The following MGMT variants were observed in gnomAD, a reference collection of about 807,000 sequenced individuals.
MGMT encodes the protein methylated-DNA--protein-cysteine methyltransferase.
A neutral mutation model predicts 15.9 loss-of-function variants in MGMT; 14 were observed. That is an observed-to-expected ratio of 0.88 (90% confidence interval 0.58 to 1.37). The LOEUF is 1.37. MGMT is among the 40% of genes most tolerant of loss of function. MGMT has a pLI of 0.00. For missense variants in MGMT, 282 were observed against 268.1 expected (o/e 1.05, Z -0.36); for synonymous variants, 130 against 118.2 (o/e 1.10, Z -0.65).
At position 129,617,401 on chromosome 10, in the gene MGMT, G is replaced by A. The variant is rs552988652; in HGVS notation, c.125+81024G>A. ...TGCTGCAGTGAATATACGCGTGCAT[G>A]TATCTTTATGGTAGAACCGTTTATA... On this transcript the variant is annotated intron_variant, in intron 2 of 4. Coordinates refer to ENST00000651593, the MANE Select transcript of MGMT (RefSeq NM_002412.5). Among the ~76,000 whole-genome samples, 155 of 152,282 alleles carry A rather than the reference G, an allele frequency of 1.0e-3. 1 individual carries two copies. Among genetic ancestry groups the A allele is most frequent in the Non-Finnish European group, 1.8e-3 (123 of 68,028 alleles).
intron 2 of MGMT, among the ~76,000 whole-genome samples, chr10:129,596,578 G>A (rs545227937): frequency 1.8e-4 from 27 of 152,318 alleles, no homozygotes; most frequent in African/African-American, 5.5e-4. Context: ...ACACCCTGTG[G>A]AGAACCACGG....
chr10:129,744,884 A>G (rs1848676402), intron 3 of MGMT, among the ~76,000 whole-genome samples: 1 of 152,134 alleles, frequency 6.6e-6, no homozygotes, highest in Non-Finnish European at 1.5e-5. Context: ...CCTCCCAGGA[A>G]AGGATGGTCC....
At chr10:129,759,682 G>A (rs955957158) in intron 4 of MGMT, among the ~76,000 whole-genome samples, 6 of 152,066 alleles carry the variant, frequency 3.9e-5, no homozygotes, top group Non-Finnish European at 5.9e-5. Flanking sequence ...TTGGGTGCCT[G>A]TTTTATGGCC....
intron 1 of MGMT, among the ~76,000 whole-genome samples, chr10:129,520,348 C>T (rs567665855): frequency 1.3e-5 from 2 of 152,248 alleles, no homozygotes; most frequent in South Asian, 4.1e-4. Context: ...ACCGAGGTTG[C>T]CGAAACTGGA....
intron 1 of MGMT, among the ~76,000 whole-genome samples, chr10:129,517,955 T>A (rs1268581287): frequency 6.6e-6 from 1 of 152,204 alleles, no homozygotes; most frequent in Non-Finnish European, 1.5e-5. Context: ...ATGCGAATGC[T>A]TTAGCAGATG....
At chr10:129,606,747 C>T (rs368425706) in intron 2 of MGMT, among the ~76,000 whole-genome samples, 14 of 152,098 alleles carry the variant, frequency 9.2e-5, no homozygotes, top group South Asian at 6.2e-4. Context: ...CTTTCGTCTA[C>T]GGTGGGATAA....
chr10:129,570,643 C>A (rs1846407122), intron 2 of MGMT, among the ~76,000 whole-genome samples: 1 of 152,196 alleles, frequency 6.6e-6, no homozygotes, highest in Admixed American at 6.5e-5. Flanking sequence ...CCTACTAAAT[C>A]TAATCTGCAA....
intron 3 of MGMT, among the ~76,000 whole-genome samples, chr10:129,730,382 G>A (rs1848482125): frequency 6.6e-6 from 1 of 152,184 alleles, no homozygotes; most frequent in Non-Finnish European, 1.5e-5. Context: ...CTACTTTCAT[G>A]TTGTTCGATA....
At chr10:129,702,687 C>T (rs1243206309) in intron 2 of MGMT, among the ~76,000 whole-genome samples, 1 of 152,156 alleles carries the variant, frequency 6.6e-6, no homozygotes, top group Non-Finnish European at 1.5e-5. Context: ...AGCTGGCATC[C>T]GTGGCAGCCC....
chr10:129,596,269 A>G (rs941768652), intron 2 of MGMT, among the ~76,000 whole-genome samples: 4 of 152,098 alleles, frequency 2.6e-5, no homozygotes, highest in South Asian at 2.1e-4. Context: ...CCCCCTCCCC[A>G]ACTCAGTCAT....
chr10:129,547,915 T>G (rs1012691381), intron 2 of MGMT, among the ~76,000 whole-genome samples: 7 of 152,234 alleles, frequency 4.6e-5, no homozygotes, highest in African/African-American at 1.7e-4. Flanking sequence ...AGGCAATACT[T>G]GTTCTTGTTC....
chr10:129,654,193 C>T (rs1847497637), intron 2 of MGMT, among the ~76,000 whole-genome samples: 1 of 152,150 alleles, frequency 6.6e-6, no homozygotes, highest in African/African-American at 2.4e-5. Context: ...GGTAGCCCAT[C>T]TGTGGTTTGG....
chr10:129,701,232 A>T (rs1456430645), intron 2 of MGMT: 1 of 152,182 alleles, frequency 6.6e-6, no homozygotes, highest in Admixed American at 6.5e-5. Flanking sequence ...TGTCTTTGGA[A>T]CGAACTCTTT....
chr10:129,579,333 C>A (rs566681602), intron 2 of MGMT, among the ~76,000 whole-genome samples: 8 of 152,224 alleles, frequency 5.3e-5, no homozygotes, highest in African/African-American at 1.9e-4. Context: ...CCTGTACCTG[C>A]CTACCTGTGG....
rs574558985 is a variant in MGMT, at chr10:129,675,181, G to A, written c.126-32714G>A. On this transcript the variant is annotated intron_variant, in intron 2 of 4. Coordinates refer to ENST00000651593, the MANE Select transcript of MGMT (RefSeq NM_002412.5). ...AGCTGAGGGCCAGGCGGGAGCAAGGGCCCAGCACACTGGGAGGTTTGAGAG... is the reference window on the plus strand; with the variant it reads ...AGCTGAGGGCCAGGCGGGAGCAAGGACCCAGCACACTGGGAGGTTTGAGAG... Among the ~76,000 whole-genome samples, 11 of 152,288 alleles carry A rather than the reference G, an allele frequency of 7.2e-5. No individual in the cohort carries two copies. The South Asian group carries it at 8.3e-4, about 11-fold the overall frequency.
intron 2 of MGMT, among the ~76,000 whole-genome samples, chr10:129,543,100 C>A (rs77636471): frequency 6.6e-6 from 1 of 152,088 alleles, no homozygotes; most frequent in African/African-American, 2.4e-5. Flanking sequence ...AATTATGTTC[C>A]GTGACGAGAG....
intron 1 of MGMT, among the ~76,000 whole-genome samples, chr10:129,513,469 A>T (rs2119703801): frequency 6.6e-6 from 1 of 152,222 alleles, no homozygotes; most frequent in East Asian, 1.9e-4. Context: ...ACACCTGGTT[A>T]TTTGGCACCA....
chr10:129,727,503 G>A (rs1848447366), intron 3 of MGMT, among the ~76,000 whole-genome samples: 1 of 152,194 alleles, frequency 6.6e-6, no homozygotes, highest in Non-Finnish European at 1.5e-5. Context: ...TGTTGTTTGG[G>A]GCCACGAAGT....
rs953144453 is a variant in MGMT, at chr10:129,770,353, G to C, written c.*3356G>C. ...CCTGTGGAGTGGCGGACTCTGGGGA[G>C]TAGCTGGTCAGTGAGATTCTCGCAG... On this transcript the variant is annotated 3_prime_UTR_variant, in exon 5 of 5. Coordinates refer to ENST00000651593, the MANE Select transcript of MGMT (RefSeq NM_002412.5). Among the ~76,000 whole-genome samples, 1 of 152,256 alleles carries C rather than the reference G, an allele frequency of 6.6e-6. No individual in the cohort carries two copies. Among genetic ancestry groups the C allele is most frequent in the Non-Finnish European group, 1.5e-5 (1 of 68,044 alleles).
Sources: allele counts gnomAD v4.1 joint callset (sites outside exome capture counted in the v4.1 genomes callset), GRCh38; gene constraint gnomAD v4.1.1; transcripts MANE v1.5; gene names NCBI Gene and HGNC (gene_info 2026-07-23, HGNC 2026-07-21).